The following RAD9B variants were observed in gnomAD, a reference collection of about 807,000 sequenced individuals.
The protein encoded by RAD9B is RAD9 checkpoint clamp component B.
RAD9B carries 41 observed loss-of-function variants against 48.3 expected under a neutral mutation model. That is an observed-to-expected ratio of 0.85 (90% CI 0.66 to 1.10). The LOEUF (loss-of-function observed/expected upper bound fraction) is 1.10. Ranked by LOEUF, RAD9B falls within the 50% of genes least tolerant of loss-of-function variation. RAD9B has a pLI of 0.00. For synonymous variants in RAD9B, 160 were observed against 157.9 expected (o/e 1.01, Z -0.10); for missense variants, 444 against 485.1 (o/e 0.92, Z 0.80).
Position 110,529,375 on chromosome 12 carries a change from C to A in RAD9B, c.1126-1150C>A, listed in dbSNP as rs544985492. On this transcript the variant is annotated intron_variant, in intron 10 of 10. Transcript: ENST00000409300. Reference sequence around the variant, plus strand: ...GGCCAGGCTGGTCTCGATCTCCTGACCTCAGGTGATCCACCTGCCTCAGCC... The same window carrying A: ...GGCCAGGCTGGTCTCGATCTCCTGAACTCAGGTGATCCACCTGCCTCAGCC... Among the ~76,000 whole-genome samples the A allele has an allele frequency of 7.0e-3, 1,043 of 148,112 alleles. 1 individual carries two copies. The highest frequency in any genetic ancestry group is 9.6e-3 in the Non-Finnish European group (636 of 66,580).
intron 10 of RAD9B, among the ~76,000 whole-genome samples, chr12:110,525,732 C>G (rs1196479467): frequency 6.6e-6 from 1 of 152,134 alleles, no homozygotes; most frequent in Non-Finnish European, 1.5e-5. Flanking sequence ...ACTCTGTTGC[C>G]TAGGCTGGAG....
At chr12:110,520,941 G>A (rs2063767509) in intron 9 of RAD9B, among the ~76,000 whole-genome samples, 1 of 151,774 alleles carries the variant, frequency 6.6e-6, no homozygotes, top group African/African-American at 2.4e-5. Flanking sequence ...GAGCCACTGC[G>A]CCTGGCTTTT....
At position 110,515,133 on chromosome 12, in the gene RAD9B, A is replaced by G. The variant is rs774282625; in HGVS notation, c.572A>G (p.Lys191Arg). ...GTTACTCCACTGAATTTTTGCCTCA[A>G]GAGTTCTAATGAGGAATCAATGGGT... ...LAVTPLNFCLKSSNEESMDLS... is the reference protein window; with the variant it reads ...LAVTPLNFCLRSSNEESMDLS... The change falls in exon 6 of 11, where the codon AAG becomes AGG. Residue 191 changes from lysine to arginine, a missense_variant. Lys to Arg is a conservative substitution (Grantham distance 26). Coordinates refer to ENST00000409300, the MANE Select transcript of RAD9B (RefSeq NM_001286535.2). 4 of 1,548,296 alleles carry G rather than the reference A, an allele frequency of 2.6e-6. No homozygotes were observed. Among genetic ancestry groups the G allele is most frequent in the South Asian group, 1.2e-5 (1 of 84,166 alleles).
chr12:110,507,332 T>TTA (rs1391336530), intron 4 of RAD9B, among the ~76,000 whole-genome samples: 1 of 146,036 alleles, frequency 6.8e-6, no homozygotes, highest in Non-Finnish European at 1.5e-5. Context: ...AGCTGCTTGA[T>TTA]TATATATATG....
intron 10 of RAD9B, among the ~76,000 whole-genome samples, chr12:110,529,339 T>C (rs1445590819): frequency 1.3e-5 from 2 of 151,616 alleles, no homozygotes; most frequent in Non-Finnish European, 2.9e-5. Context: ...GAGACGGGGT[T>C]TCACTATGTT....
At position 110,531,318 on chromosome 12, in the gene RAD9B, G is replaced by T. The variant is rs377035429; in HGVS notation, c.*665G>T. 2 of 416,300 alleles carry T rather than the reference G, an allele frequency of 4.8e-6. No individual in the cohort carries two copies. Among genetic ancestry groups the T allele is most frequent in the Admixed American group, 1.0e-4 (2 of 19,772 alleles). The allele number at this position is 416,300 out of a possible 1,614,324, so 25.8% of individuals were successfully genotyped here. On this transcript the variant is annotated 3_prime_UTR_variant, in exon 11 of 11. Coordinates refer to ENST00000409300, the MANE Select transcript of RAD9B (RefSeq NM_001286535.2). ...AGCGATTCTCCTGCCTCAGCCTCCC[G>T]TGCAGCTGGGATTGCAGGTGCGTGC...
intron 9 of RAD9B, among the ~76,000 whole-genome samples, chr12:110,520,869 T>G (rs1186896137): frequency 6.6e-6 from 1 of 151,232 alleles, no homozygotes; most frequent in Non-Finnish European, 1.5e-5. Context: ...CAGGCTGGTC[T>G]CGAACTCCTG....
chr12:110,531,962 G>A lies in RAD9B; in HGVS notation c.*1309G>A. 3.6e-6 allele frequency: 1 copy of A among 274,938 alleles called. No individual in the cohort carries two copies. Among genetic ancestry groups the A allele is most frequent in the Middle Eastern group, 1.1e-3 (1 of 876 alleles). 17.0% of individuals were successfully genotyped at this position (274,938 alleles called of 1,614,324 possible). A position where few individuals can be genotyped will look rare whatever the true frequency, so the allele number is the denominator to read the frequency against. On this transcript the variant is annotated 3_prime_UTR_variant, in exon 11 of 11. Transcript: ENST00000409300. ...GAGAAATTCATAAAGGTGGCTGAGT[G>A]GATTTGCATGCTTTAGAACTGTGAA...
intron 9 of RAD9B, among the ~76,000 whole-genome samples, chr12:110,521,713 G>A (rs553434785): frequency 8.6e-5 from 13 of 151,784 alleles, no homozygotes; most frequent in Middle Eastern, 3.4e-3. Flanking sequence ...CTGCCACCAC[G>A]CCCGGCTAAT....
chr12:110,511,994 A>T (rs1221822413), intron 4 of RAD9B, among the ~76,000 whole-genome samples: 2 of 149,368 alleles, frequency 1.3e-5, no homozygotes, highest in Non-Finnish European at 3.0e-5. Flanking sequence ...TTACAGGCGC[A>T]TGCCACCACG....
Position 110,531,326 on chromosome 12 carries a change from G to C in RAD9B, c.*673G>C, listed in dbSNP as rs927617084. Reference sequence around the variant, plus strand: ...TCCTGCCTCAGCCTCCCGTGCAGCTGGGATTGCAGGTGCGTGCCACCATGC... The same window carrying C: ...TCCTGCCTCAGCCTCCCGTGCAGCTCGGATTGCAGGTGCGTGCCACCATGC... On this transcript the variant is annotated 3_prime_UTR_variant, in exon 11 of 11. Coordinates refer to ENST00000409300, the MANE Select transcript of RAD9B (RefSeq NM_001286535.2). The C allele has an allele frequency of 4.9e-6, 2 of 409,634 alleles. No individual in the cohort carries two copies. Among genetic ancestry groups the C allele is most frequent in the Non-Finnish European group, 8.1e-6 (2 of 245,476 alleles). The allele number at this position is 409,634 out of a possible 1,614,324, so 25.4% of individuals were successfully genotyped here.
Position 110,531,049 on chromosome 12 carries a change from G to C in RAD9B, c.*396G>C. 2 of 1,001,766 alleles carry C rather than the reference G, an allele frequency of 2.0e-6. No individual in the cohort carries two copies. 62.1% of individuals were successfully genotyped at this position (1,001,766 alleles called of 1,614,324 possible). On this transcript the variant is annotated 3_prime_UTR_variant, in exon 11 of 11. Transcript: ENST00000409300. ...ATGGAATTTTGTGATTTGTAGTCAG[G>C]TATCTTTTGTATTTGATTGCAAACA...
At chr12:110,510,585 CT>C (rs2063429698) in intron 4 of RAD9B, among the ~76,000 whole-genome samples, 1 of 152,160 alleles carries the variant, frequency 6.6e-6, no homozygotes. Context: ...CCTTAGCCAT[CT>C]CAGTTGTCCC....
rs190273817 is a variant in RAD9B, at chr12:110,510,687, T to C, written c.389-2092T>C. Among the ~76,000 whole-genome samples, 461 of 152,300 alleles carry C rather than the reference T, an allele frequency of 3.0e-3. 7 individuals are homozygous for C. Among genetic ancestry groups the C allele is most frequent in the Non-Finnish European group, 1.3e-3 (87 of 68,030 alleles). On this transcript the variant is annotated intron_variant, in intron 4 of 10. Coordinates refer to ENST00000409300, the MANE Select transcript of RAD9B (RefSeq NM_001286535.2). ...GAGAGAATGTATGTAATATGTATGC[T>C]ACAGTTCCTGGCACATAGGTTCATA...
Position 110,519,798 on chromosome 12 carries a change from C to T in RAD9B, c.772C>T (p.Leu258=). The change falls in exon 9 of 11, where the codon CTG becomes TTG. Residue 258 remains leucine (L), a synonymous_variant. Transcript: ENST00000409300. ...SIYFDFPGKP[L]ALSIDDMLVE... is the part of the protein sequence containing the mutation. The stretch of plus-strand genomic sequence containing the variant: ...GCTCTGACTTGGCTTTTTTAGACCT[C>T]TGGCTTTGAGTATTGATGATATGTT... 1 of 1,606,032 alleles carries T rather than the reference C, an allele frequency of 6.2e-7. No homozygotes were observed. The highest frequency in any genetic ancestry group is 8.5e-7 in the Non-Finnish European group (1 of 1,177,676).
Position 110,522,339 on chromosome 12 carries a change from A to C in RAD9B, c.1053A>C (p.Gly351=). The C allele has an allele frequency of 5.6e-6, 9 of 1,613,724 alleles. No individual in the cohort carries two copies. The highest frequency in any genetic ancestry group is 6.8e-6 in the Non-Finnish European group (8 of 1,179,814). Residue 351 remains glycine (G), a synonymous_variant, in exon 10 of 11, where the codon GGA becomes GGC. Transcript: ENST00000409300. ...GCCCTGCAATGAAAAGAGTGGATGG[A>C]GATGTCAGTGAAGTATCAGAAAGCA... ...CGSPAMKRVD[G]DVSEVSESSV...
chr12:110,530,229 T>TA (rs2064091239), intron 10 of RAD9B, among the ~76,000 whole-genome samples: 1 of 152,090 alleles, frequency 6.6e-6, no homozygotes, highest in South Asian at 2.1e-4. Flanking sequence ...GTATTTTTAG[T>TA]AGAGACGGGG....
At chr12:110,509,581 G>A (rs562084607) in intron 4 of RAD9B, among the ~76,000 whole-genome samples, 94 of 152,266 alleles carry the variant, frequency 6.2e-4, no homozygotes, top group Non-Finnish European at 1.1e-3. Context: ...GCCTGGGATG[G>A]CAGTCTAAGA....
At chr12:110,506,431 G>A (rs1048487740) in intron 3 of RAD9B, 148 bp from the exon 4 acceptor site, 18 of 470,494 alleles carry the variant, frequency 3.8e-5, no homozygotes, top group East Asian at 9.7e-5. Flanking sequence ...CTCGTGATCC[G>A]CCCGCCTCGG....
Sources: gnomAD v4.1 joint callset for allele counts (sites outside exome capture counted in the v4.1 genomes callset) on GRCh38, gnomAD v4.1.1 for gene constraint, MANE v1.5 for transcripts, NCBI Gene and HGNC (gene_info 2026-07-23, HGNC 2026-07-21) for gene names.